Variants in GLIS3 observed in about 807,000 individuals in gnomAD.
GLIS3 encodes the protein GLIS family zinc finger 3, also known as zinc finger protein GLIS3.
A neutral mutation model predicts 78.6 loss-of-function variants in GLIS3; 53 were observed. The ratio of observed to expected loss-of-function variants is 0.67; its 90% CI spans 0.54 to 0.85. GLIS3 has a LOEUF of 0.85. GLIS3 is among the 40% of genes least tolerant of loss of function. The pLI is 0.00. For synonymous variants in GLIS3, 684 were observed against 509.9 expected, an observed-to-expected ratio of 1.34 and a Z score of -4.60; for missense variants, 1,703 against 1,231.1, an observed-to-expected ratio of 1.38 and a Z score of -5.74.
chr9:4,409,844 T>C, the GLIS3 span, among the ~76,000 whole-genome samples: 1 of 152,226 alleles, frequency 6.6e-6, no homozygotes, highest in African/African-American at 2.4e-5. Flanking sequence ...TATTGGCTAG[T>C]TCCAATTTCA....
chr9:3,990,989 T>C (rs560895995), intron 4 of GLIS3, among the ~76,000 whole-genome samples: 12 of 152,278 alleles, frequency 7.9e-5, no homozygotes, highest in East Asian at 7.7e-4. Context: ...AGGAATCAGA[T>C]TGATGTTTCT....
At chr9:3,871,552 C>A (rs1820970506) in intron 8 of GLIS3, among the ~76,000 whole-genome samples, 1 of 152,224 alleles carries the variant, frequency 6.6e-6, no homozygotes, top group Non-Finnish European at 1.5e-5. Flanking sequence ...CTTCTGTGTA[C>A]CCGCAGGCTC....
At chr9:3,999,757 T>G (rs1189753339) in intron 4 of GLIS3, among the ~76,000 whole-genome samples, 1 of 152,134 alleles carries the variant, frequency 6.6e-6, no homozygotes, top group Non-Finnish European at 1.5e-5. Context: ...AGGACCTTAA[T>G]GAGCTTATCC....
At chr9:4,351,417 G>T (rs1191329450), upstream of GLIS3, among the ~76,000 whole-genome samples, 1 of 147,816 alleles carries the variant, frequency 6.8e-6, no homozygotes, top group Non-Finnish European at 1.5e-5. Context: ...AAAAAAAAGG[G>T]AGGGTGAGGA....
the GLIS3 span, among the ~76,000 whole-genome samples, chr9:4,425,460 T>C: frequency 6.6e-6 from 1 of 152,214 alleles, no homozygotes; most frequent in East Asian, 1.9e-4. Context: ...GTATTGGGAA[T>C]GGCAGGGCCT....
intron 2 of GLIS3, among the ~76,000 whole-genome samples, chr9:4,244,116 A>G (rs949156790): frequency 6.6e-6 from 1 of 152,196 alleles, no homozygotes; most frequent in Non-Finnish European, 1.5e-5. Flanking sequence ...AGCCTTCCAT[A>G]AATCCTTCAG....
chr9:4,001,259 A>G (rs986611416), intron 4 of GLIS3, among the ~76,000 whole-genome samples: 1 of 152,248 alleles, frequency 6.6e-6, no homozygotes, highest in African/African-American at 2.4e-5. Flanking sequence ...TCTTATTCAA[A>G]AAAAATCTTT....
chr9:4,087,367 A>G (rs1564028414), intron 4 of GLIS3, among the ~76,000 whole-genome samples: 1 of 152,228 alleles, frequency 6.6e-6, no homozygotes, highest in Non-Finnish European at 1.5e-5. Context: ...GTACAGAGCT[A>G]CTACTGAGTG....
At chr9:4,035,779 G>A (rs560432852) in intron 4 of GLIS3, 3 of 152,434 alleles carry the variant, frequency 2.0e-5, no homozygotes, top group Admixed American at 2.0e-4. Context: ...CGGTCTTCCT[G>A]TACTTGACCC....
the GLIS3 span, among the ~76,000 whole-genome samples, chr9:4,387,751 C>T: frequency 6.6e-6 from 1 of 152,158 alleles, no homozygotes; most frequent in African/African-American, 2.4e-5. Flanking sequence ...ATGTATTTCC[C>T]CATAGGCCAA....
chr9:3,851,025 T>A (rs1204879312), intron 9 of GLIS3, among the ~76,000 whole-genome samples: 4 of 152,272 alleles, frequency 2.6e-5, no homozygotes, highest in Admixed American at 6.5e-5. Context: ...ATGACATTCA[T>A]GTTTGCATTG....
chr9:4,249,763 A>G (rs1427231083), intron 2 of GLIS3, among the ~76,000 whole-genome samples: 3 of 152,286 alleles, frequency 2.0e-5, no homozygotes, highest in African/African-American at 4.8e-5. Flanking sequence ...GTTTGTCATA[A>G]ATAGCTCTTA....
intron 4 of GLIS3, among the ~76,000 whole-genome samples, chr9:3,939,938 T>C (rs1253789425): frequency 6.6e-6 from 1 of 152,146 alleles, no homozygotes; most frequent in Non-Finnish European, 1.5e-5. Flanking sequence ...ATCACAGGAG[T>C]GTGCAGGGCA....
intron 3 of GLIS3, among the ~76,000 whole-genome samples, chr9:4,123,228 G>A (rs1383835015): frequency 2.0e-5 from 3 of 151,942 alleles, no homozygotes; most frequent in Admixed American, 6.6e-5. Context: ...AGATCAAACT[G>A]GCAAAGTTTC....
chr9:3,996,908 C>G lies in GLIS3; in HGVS notation c.1711-59719G>C, dbSNP rs148010477. Among the ~76,000 whole-genome samples, 564 of 152,158 alleles carry G rather than the reference C, an allele frequency of 3.7e-3. 2 individuals carry two copies. Among genetic ancestry groups the G allele is most frequent in the African/African-American group, 0.013 (530 of 41,514 alleles). Reference sequence around the variant, plus strand: ...AAATGTATGTCAATAAATTTGTAAACTGAGATGACAAATGATAAGTGTCTA... The same window carrying G: ...AAATGTATGTCAATAAATTTGTAAAGTGAGATGACAAATGATAAGTGTCTA... On this transcript the variant is annotated intron_variant, in intron 4 of 10. Coordinates refer to ENST00000381971, the MANE Select transcript of GLIS3 (RefSeq NM_001042413.2).
chr9:4,016,116 C>A (rs1822414315), intron 4 of GLIS3, among the ~76,000 whole-genome samples: 1 of 152,092 alleles, frequency 6.6e-6, no homozygotes, highest in South Asian at 2.1e-4. Context: ...AAATGGTAAT[C>A]CAAAATGGGT....
intron 2 of GLIS3, among the ~76,000 whole-genome samples, chr9:4,345,899 C>A (rs1459648791): frequency 6.6e-6 from 1 of 151,844 alleles, no homozygotes; most frequent in Non-Finnish European, 1.5e-5. Context: ...AATTTGACTG[C>A]AAAAGAATAT....
intron 2 of GLIS3, among the ~76,000 whole-genome samples, chr9:4,184,684 G>A (rs1003133328): frequency 1.3e-5 from 2 of 152,208 alleles, no homozygotes; most frequent in Non-Finnish European, 2.9e-5. Context: ...TTGGAGGGGA[G>A]ATTTAGAGAG....
chr9:4,036,676 G>T (rs569957188), intron 4 of GLIS3, among the ~76,000 whole-genome samples: 1 of 152,248 alleles, frequency 6.6e-6, no homozygotes, highest in South Asian at 2.1e-4. Context: ...AGCAAACGGC[G>T]CATTACCTGA....
Sources: allele counts gnomAD v4.1 joint callset (sites outside exome capture counted in the v4.1 genomes callset), GRCh38; gene constraint gnomAD v4.1.1; transcripts MANE v1.5; gene names NCBI Gene and HGNC (gene_info 2026-07-23, HGNC 2026-07-21).